Variants in CECR2 observed in about 807,000 individuals in gnomAD.
The protein encoded by CECR2 is CECR2 histone acetyl-lysine reader, also known as chromatin remodeling regulator CECR2.
In CECR2, 30 loss-of-function variants were observed where a neutral mutation model predicts 154.5. That is an observed-to-expected ratio of 0.19 (90% CI 0.15 to 0.26). The LOEUF is 0.26. Ranked by LOEUF, CECR2 falls within the 10% of genes least tolerant of loss-of-function variation. CECR2 has a pLI of 1.00. For synonymous variants in CECR2, 725 were observed against 683.7 expected (o/e 1.06, Z -0.94); for missense variants, 1,743 against 1,829.3 (o/e 0.95, Z 0.86).
chr22:17,394,271 A>C (rs1479588255), intron 1 of CECR2, among the ~76,000 whole-genome samples: 1 of 139,894 alleles, frequency 7.1e-6, no homozygotes, highest in African/African-American at 2.7e-5. Context: ...TGGCATGACC[A>C]TAGCTCACTG....
intron 1 of CECR2, among the ~76,000 whole-genome samples, chr22:17,437,152 C>G (rs1218251827): frequency 6.6e-6 from 1 of 152,088 alleles, no homozygotes; most frequent in Admixed American, 6.5e-5. Context: ...GTGTTAGTGC[C>G]ATTAGATGGT....
intron 9 of CECR2, among the ~76,000 whole-genome samples, chr22:17,533,033 C>T (rs1157164085): frequency 1.3e-5 from 2 of 151,764 alleles, no homozygotes; most frequent in African/African-American, 4.8e-5. Flanking sequence ...GATAGCATGA[C>T]CCGGCCAGGC....
At chr22:17,510,636 C>G (rs773303969) in intron 7 of CECR2, among the ~76,000 whole-genome samples, 1 of 152,158 alleles carries the variant, frequency 6.6e-6, no homozygotes, top group Non-Finnish European at 1.5e-5. Context: ...GAGTCTCGCT[C>G]TGTCGCCCAG....
At chr22:17,371,402 C>T (rs1361579558) in intron 1 of CECR2, among the ~76,000 whole-genome samples, 1 of 152,004 alleles carries the variant, frequency 6.6e-6, no homozygotes, top group East Asian at 1.9e-4. Flanking sequence ...GGCGCCACAG[C>T]GTTTGTTTTC....
intron 1 of CECR2, among the ~76,000 whole-genome samples, chr22:17,415,181 A>G (rs2054138129): frequency 6.6e-6 from 1 of 151,908 alleles, no homozygotes; most frequent in Admixed American, 6.6e-5. Context: ...AGTCTCAGTT[A>G]TTGACTTTTC....
At chr22:17,426,602 C>T (rs1170012668) in intron 1 of CECR2, among the ~76,000 whole-genome samples, 1 of 152,244 alleles carries the variant, frequency 6.6e-6, no homozygotes, top group African/African-American at 2.4e-5. Context: ...GGTGATCCGC[C>T]CGCCTCAGCC....
At chr22:17,517,217 G>A (rs1012038531) in intron 8 of CECR2, among the ~76,000 whole-genome samples, 3 of 151,816 alleles carry the variant, frequency 2.0e-5, no homozygotes, top group Non-Finnish European at 4.4e-5. Context: ...ATCCCCCATC[G>A]CACATGCGCA....
At chr22:17,380,713 C>T (rs1245282930) in intron 1 of CECR2, among the ~76,000 whole-genome samples, 1 of 152,218 alleles carries the variant, frequency 6.6e-6, no homozygotes, top group Admixed American at 6.5e-5. Context: ...AAGCTCACTG[C>T]TTCACGTTTT....
rs984888180 is a variant in CECR2 at position 17,552,904 on chromosome 22, T to C, written c.*64T>C. The C allele has an allele frequency of 4.0e-5, 61 of 1,541,738 alleles. No individual in the cohort carries two copies. The highest frequency in any genetic ancestry group is 5.2e-5 in the Non-Finnish European group (60 of 1,143,788). On this transcript the variant is annotated 3_prime_UTR_variant, in exon 19 of 19. Coordinates refer to ENST00000262608, the MANE Select transcript of CECR2 (RefSeq NM_001290047.2). Reference sequence around the variant, plus strand: ...ACACGAAGACTGGAATGTGGAGAACTGGGGAGTGCCCTGTCAGCTCTATTC... The same window carrying C: ...ACACGAAGACTGGAATGTGGAGAACCGGGGAGTGCCCTGTCAGCTCTATTC...
Position 17,542,967 on chromosome 22 carries a change from G to C in CECR2, c.2824G>C (p.Glu942Gln). 1 of 1,612,728 alleles carries C rather than the reference G, an allele frequency of 6.2e-7. No individual in the cohort carries two copies. Among genetic ancestry groups the C allele is most frequent in the Non-Finnish European group, 8.5e-7 (1 of 1,179,174 alleles). Residue 942 changes from glutamate to glutamine, a missense_variant, in exon 16 of 19, where the codon GAG (glutamate) becomes CAG (glutamine). By Grantham distance (29) the Glu-to-Gln change is conservative (BLOSUM62 2). This residue lies in a region of CECR2 where 1,250 missense variants were observed against 1,192.1 expected (regional missense o/e 1.05). Transcript: ENST00000262608. The part of the protein sequence containing the change: ...PALGNPGRAP[E>Q]NSEAQEPEND... The stretch of plus-strand genomic sequence containing the variant: ...CCTGGGCAACCCTGGGAGGGCACCG[G>C]AGAACAGTGAAGCACAAGAGCCTGA...
intron 1 of CECR2, among the ~76,000 whole-genome samples, chr22:17,464,667 T>A (rs995118444): frequency 5.9e-5 from 9 of 151,936 alleles, no homozygotes; most frequent in African/African-American, 1.7e-4. Context: ...ACCTAGCTAA[T>A]TAAAAAAATT....
chr22:17,457,218 G>A (rs1006094306), intron 1 of CECR2, among the ~76,000 whole-genome samples: 1 of 152,178 alleles, frequency 6.6e-6, no homozygotes, highest in African/African-American at 2.4e-5. Flanking sequence ...CTAGAGACGG[G>A]GTTTCTCCAC....
At chr22:17,493,544 T>C (rs1365584609) in intron 2 of CECR2, among the ~76,000 whole-genome samples, 1 of 152,206 alleles carries the variant, frequency 6.6e-6, no homozygotes, top group East Asian at 1.9e-4. Flanking sequence ...TAGGAGAAGG[T>C]TGATCTACAT....
intron 3 of CECR2, among the ~76,000 whole-genome samples, chr22:17,498,217 C>T (rs1171848152): frequency 2.0e-5 from 3 of 152,060 alleles, no homozygotes; most frequent in Admixed American, 6.6e-5. Flanking sequence ...GGTGAAATCC[C>T]GTCTCCACTA....
At chr22:17,410,945 T>G (rs535715129) in intron 1 of CECR2, among the ~76,000 whole-genome samples, 1 of 152,204 alleles carries the variant, frequency 6.6e-6, no homozygotes, top group Non-Finnish European at 1.5e-5. Flanking sequence ...GTTTTACAGA[T>G]GAGGATGTTG....
chr22:17,379,636 T>C (rs1468833208), intron 1 of CECR2, among the ~76,000 whole-genome samples: 2 of 150,180 alleles, frequency 1.3e-5, no homozygotes, highest in African/African-American at 2.4e-5. Flanking sequence ...TTGCGATATA[T>C]GCATATGTAA....
intron 2 of CECR2, among the ~76,000 whole-genome samples, chr22:17,492,549 CATT>C (rs1162047993): frequency 2.6e-5 from 4 of 152,130 alleles, no homozygotes; most frequent in Non-Finnish European, 5.9e-5. Context: ...GTTGTTGACT[CATT>C]CTTATTTTCA....
At chr22:17,462,453 A>T (rs2054956783) in intron 1 of CECR2, among the ~76,000 whole-genome samples, 1 of 152,200 alleles carries the variant, frequency 6.6e-6, no homozygotes, top group Admixed American at 6.5e-5. Flanking sequence ...TGTTAAGTTC[A>T]GGATACAGAC....
intron 1 of CECR2, among the ~76,000 whole-genome samples, chr22:17,471,052 A>G (rs2055119246): frequency 1.3e-5 from 2 of 152,178 alleles, no homozygotes; most frequent in African/African-American, 4.8e-5. Flanking sequence ...CTCCCATTTT[A>G]TCTGTAAGAG....
Sources: gnomAD v4.1 joint callset for allele counts (sites outside exome capture counted in the v4.1 genomes callset) on GRCh38, gnomAD v4.1.1 for gene constraint, gnomAD v4.1.1 regional missense constraint, MANE v1.5 for transcripts, NCBI Gene and HGNC (gene_info 2026-07-23, HGNC 2026-07-21) for gene names.